Variants in P3H2 observed in about 807,000 individuals in gnomAD.
P3H2 encodes the protein prolyl 3-hydroxylase 2, also known as leprecan-like 1.
P3H2 carries 80 observed loss-of-function variants against 87.0 expected under a neutral mutation model. The ratio of observed to expected loss-of-function variants is 0.92; its 90% confidence interval spans 0.77 to 1.11. P3H2 has a LOEUF of 1.11. Among genes scored for constraint, P3H2 ranks in the 50% least tolerant of loss-of-function variants. The pLI is 0.00. For missense variants in P3H2, 1,001 were observed against 923.9 expected, an observed-to-expected ratio of 1.08 and a Z score of -1.08; for synonymous variants, 367 against 359.3, an observed-to-expected ratio of 1.02 and a Z score of -0.24.
At chr3:189,958,611 T>C (rs560023963) in intron 14 of P3H2, among the ~76,000 whole-genome samples, 1 of 151,752 alleles carries the variant, frequency 6.6e-6, no homozygotes, top group South Asian at 2.1e-4. Flanking sequence ...CACCCCGTCC[T>C]CTCTACCTAC....
intron 8 of P3H2, among the ~76,000 whole-genome samples, chr3:189,976,436 C>T (rs919903197): frequency 6.6e-6 from 1 of 152,156 alleles, no homozygotes; most frequent in Non-Finnish European, 1.5e-5. Context: ...GGGAAACTCC[C>T]GTTTATAAAA....
chr3:190,036,518 G>T (rs542994813), intron 1 of P3H2, among the ~76,000 whole-genome samples: 69 of 106,130 alleles, frequency 6.5e-4, no homozygotes, highest in African/African-American at 2.4e-3. Context: ...AATCTTGTGA[G>T]ATTATTATTT....
intron 1 of P3H2, among the ~76,000 whole-genome samples, chr3:190,103,522 C>T (rs2108517574): frequency 6.6e-6 from 1 of 152,132 alleles, no homozygotes. Context: ...GAAAGTGGAC[C>T]AGGATGATCA....
Position 190,120,508 on chromosome 3 carries a change from C to G in P3H2, c.224G>C (p.Arg75Pro), listed in dbSNP as rs920663372. The change falls in exon 1 of 15, where the codon CGG becomes CCG. Residue 75 changes from arginine to proline, a missense_variant. By Grantham distance (103) the Arg-to-Pro change is moderately radical (BLOSUM62 -2). Coordinates refer to ENST00000319332, the MANE Select transcript of P3H2 (RefSeq NM_018192.4). ...GCGCGTGCGGATTTCCCGCAGGCGC[C>G]GGTGGCTGCGCAGCGCCGCTTCCAA... Reference protein sequence around the residue: ...RDLEAALRSHRRLREIRTRCA... With the variant: ...RDLEAALRSHPRLREIRTRCA... The G allele has an allele frequency of 1.9e-5, 28 of 1,470,176 alleles. No homozygotes were observed. Among genetic ancestry groups the G allele is most frequent in the East Asian group, 2.9e-5 (1 of 33,948 alleles). The allele number at this position is 1,470,176 out of a possible 1,614,324, so 91.1% of individuals were successfully genotyped here. A position where few individuals can be genotyped will look rare whatever the true frequency, so the allele number is the denominator to read the frequency against.
chr3:190,019,572 T>C (rs1452390689), intron 1 of P3H2, among the ~76,000 whole-genome samples: 2 of 78,194 alleles, frequency 2.6e-5, no homozygotes, highest in Non-Finnish European at 6.3e-5. Flanking sequence ...ATCGTTTCTA[T>C]TACCATTAAT....
intron 1 of P3H2, among the ~76,000 whole-genome samples, chr3:190,100,276 T>G (rs1024987020): frequency 8.7e-6 from 1 of 114,616 alleles, no homozygotes; most frequent in Non-Finnish European, 1.6e-5. Context: ...AAAACACTTC[T>G]ATGATTGCAT....
At chr3:189,969,701 T>C in intron 13 of P3H2, 1 of 1,388,096 alleles carries the variant, frequency 7.2e-7, no homozygotes, top group South Asian at 1.2e-5. Flanking sequence ...GAGGACACAA[T>C]CAACATTTTT....
chr3:190,084,285 G>A (rs184905624), intron 1 of P3H2, among the ~76,000 whole-genome samples: 8 of 152,260 alleles, frequency 5.3e-5, no homozygotes, highest in African/African-American at 1.9e-4. Context: ...CAGAATAGGA[G>A]GATGACATAA....
At position 189,984,676 on chromosome 3, in the gene P3H2, CA is replaced by C. The variant is rs547125198; in HGVS notation, c.1189-87del. 127 of 891,350 alleles carry C rather than the reference CA, an allele frequency of 1.4e-4. No homozygotes were observed. In the African/African-American group the frequency reaches 1.9e-3, roughly 13 times the overall value. 55.2% of individuals were successfully genotyped at this position (891,350 alleles called of 1,614,324 possible). A position where few individuals can be genotyped will look rare whatever the true frequency, so the allele number is the denominator to read the frequency against. On this transcript the variant is annotated intron_variant, in intron 6 of 14. Coordinates refer to ENST00000319332, the MANE Select transcript of P3H2 (RefSeq NM_018192.4). ...GAATTAAGATAAAATAAAATATGCA[CA>C]AAACATTCAAAAGATCTATAATTTA...
chr3:190,058,484 T>G (rs530381436), intron 1 of P3H2, among the ~76,000 whole-genome samples: 3 of 152,048 alleles, frequency 2.0e-5, no homozygotes, highest in Admixed American at 2.0e-4. Context: ...AGTTGTAAAA[T>G]GGAATGGGGA....
At chr3:190,098,073 T>C (rs1399749475) in intron 1 of P3H2, among the ~76,000 whole-genome samples, 1 of 152,226 alleles carries the variant, frequency 6.6e-6, no homozygotes, top group African/African-American at 2.4e-5. Context: ...GTAAAAGTAA[T>C]TTTTTAAAAA....
At chr3:190,062,473 G>GCT (rs1247207881) in intron 1 of P3H2, among the ~76,000 whole-genome samples, 4 of 152,056 alleles carry the variant, frequency 2.6e-5, no homozygotes, top group Non-Finnish European at 5.9e-5. Flanking sequence ...TTAAGAACTA[G>GCT]CTCTAATAAC....
intron 1 of P3H2, among the ~76,000 whole-genome samples, chr3:190,030,162 A>G (rs1003027306): frequency 2.0e-5 from 3 of 152,194 alleles, no homozygotes; most frequent in African/African-American, 7.2e-5. Flanking sequence ...AAAAGATAAT[A>G]TCTATATATT....
In P3H2 at chr3:190,028,248, A is replaced by G. The variant is rs113848885; in HGVS notation, c.481-32806T>C. On this transcript the variant is annotated intron_variant, in intron 1 of 14. Coordinates refer to ENST00000319332, the MANE Select transcript of P3H2 (RefSeq NM_018192.4). ...AAAATTACCATACTTAGCAAGAGAA[A>G]TAGCAAAGCCATTCTCAACTGGGGA... 2.9e-3 allele frequency among the ~76,000 whole-genome samples: 449 copies of G among 152,314 alleles called. 3 individuals are homozygous for G. Among genetic ancestry groups the G allele is most frequent in the African/African-American group, 0.01 (424 of 41,564 alleles).
At chr3:190,075,898 T>G (rs1726857003) in intron 1 of P3H2, among the ~76,000 whole-genome samples, 2 of 152,182 alleles carry the variant, frequency 1.3e-5, no homozygotes, top group East Asian at 3.8e-4. Context: ...ATTTTTACAT[T>G]AGAAATGTAT....
chr3:189,992,392 G>A (rs1054809616), intron 3 of P3H2, among the ~76,000 whole-genome samples: 7 of 151,980 alleles, frequency 4.6e-5, no homozygotes, highest in East Asian at 1.9e-4. Flanking sequence ...CACCGCGCCC[G>A]GATGAGTAGT....
In P3H2 at chr3:190,084,695, ATTTC is replaced by A. The variant is rs1283728158; in HGVS notation, c.480+35553_480+35556del. ...CAACTCTGCGAAATGCCTTTATTCCATTTCTTTATTTCTCCTATAATGAAGTAAT... is the reference window on the plus strand; with the variant it reads ...CAACTCTGCGAAATGCCTTTATTCCATTTATTTCTCCTATAATGAAGTAAT... On this transcript the variant is annotated intron_variant, in intron 1 of 14. Coordinates refer to ENST00000319332, the MANE Select transcript of P3H2 (RefSeq NM_018192.4). Among the ~76,000 whole-genome samples the A allele has an allele frequency of 2.6e-5, 4 of 152,296 alleles. No homozygotes were observed. The East Asian group carries it at 7.7e-4, about 29-fold the overall frequency.
chr3:190,067,955 TA>T (rs1352964622), intron 1 of P3H2, among the ~76,000 whole-genome samples: 1 of 152,090 alleles, frequency 6.6e-6, no homozygotes. Context: ...AATTTAAATA[TA>T]AAAATTAGGC....
chr3:190,014,904 G>C (rs1724702858), intron 1 of P3H2, among the ~76,000 whole-genome samples: 1 of 152,214 alleles, frequency 6.6e-6, no homozygotes, highest in Non-Finnish European at 1.5e-5. Flanking sequence ...AGGAATTCTA[G>C]TTTTGGCTCT....
Sources: gnomAD v4.1 joint callset for allele counts (sites outside exome capture counted in the v4.1 genomes callset) on GRCh38, gnomAD v4.1.1 for gene constraint, MANE v1.5 for transcripts, NCBI Gene and HGNC (gene_info 2026-07-23, HGNC 2026-07-21) for gene names.